The following ARHGAP31 variants were observed in gnomAD, a reference collection of about 807,000 sequenced individuals.
ARHGAP31 encodes the protein rho GTPase-activating protein 31.
ARHGAP31 carries 34 observed loss-of-function variants against 113.9 expected under a neutral mutation model. That is an observed-to-expected ratio of 0.30 (90% CI 0.23 to 0.40). ARHGAP31 has a LOEUF of 0.40. Ranked by LOEUF, ARHGAP31 falls within the 10% of genes least tolerant of loss-of-function variation. The pLI, the probability that ARHGAP31 is intolerant of heterozygous loss-of-function variation, is 1.00. For missense variants in ARHGAP31, 1,548 were observed against 1,767.1 expected (o/e 0.88, Z 2.22); for synonymous variants, 650 against 684.8 (o/e 0.95, Z 0.79).
chr3:119,383,024 C>T, intron 5 of ARHGAP31, 60 bp from the exon 6 acceptor site: 1 of 1,604,178 alleles, frequency 6.2e-7, no homozygotes, highest in South Asian at 1.1e-5. Context: ...ACTGGCTCCT[C>T]TTGCTGCTTC....
rs1340321946 is a variant in ARHGAP31 at position 119,401,855 on chromosome 3, TTAC to T, written c.1104_1106del (p.Thr370del). On this transcript the variant is annotated inframe_deletion, in exon 10 of 12. Coordinates refer to ENST00000264245, the MANE Select transcript of ARHGAP31 (RefSeq NM_020754.4). ...ACCAAGGGAAATTTCAATCGAACAG[TTAC>T]CACCGGTGGATTTTTCATTCCAGCA... The T allele has an allele frequency of 6.2e-7, 1 of 1,614,046 alleles. No individual in the cohort carries two copies.
chr3:119,329,563 C>T (rs2079872954), intron 1 of ARHGAP31, among the ~76,000 whole-genome samples: 1 of 152,214 alleles, frequency 6.6e-6, no homozygotes, highest in African/African-American at 2.4e-5. Flanking sequence ...TTCTAGTTTT[C>T]TCCCCTCCTC....
chr3:119,364,987 G>A (rs958796580), intron 1 of ARHGAP31, among the ~76,000 whole-genome samples: 1 of 152,074 alleles, frequency 6.6e-6, no homozygotes, highest in East Asian at 1.9e-4. Context: ...CCAGCTACTC[G>A]GGAGTCTGAG....
At chr3:119,303,907 G>A (rs1461038897) in intron 1 of ARHGAP31, among the ~76,000 whole-genome samples, 1 of 151,864 alleles carries the variant, frequency 6.6e-6, no homozygotes, top group African/African-American at 2.4e-5. Flanking sequence ...CGATTCTCCT[G>A]CCTTAGTCTC....
chr3:119,415,594 G>T lies in ARHGAP31; in HGVS notation c.3665G>T (p.Gly1222Val), dbSNP rs1286689893. The change falls in exon 12 of 12, where the codon GGG becomes GTG. Residue 1222 changes from glycine to valine, a missense_variant. Coordinates refer to ENST00000264245, the MANE Select transcript of ARHGAP31 (RefSeq NM_020754.4). ...IPQPLPSQSS[G>V]ENGVQPLERS... Reference sequence around the variant, plus strand: ...CAGCCCCTGCCCTCTCAGAGCTCAGGGGAGAATGGGGTTCAGCCTCTGGAG... The same window carrying T: ...CAGCCCCTGCCCTCTCAGAGCTCAGTGGAGAATGGGGTTCAGCCTCTGGAG... The T allele has an allele frequency of 1.2e-6, 2 of 1,614,122 alleles. No individual in the cohort carries two copies. The highest frequency in any genetic ancestry group is 8.5e-7 in the Non-Finnish European group (1 of 1,180,038).
intron 3 of ARHGAP31, among the ~76,000 whole-genome samples, chr3:119,371,502 G>A (rs1208404534): frequency 6.6e-6 from 1 of 152,176 alleles, no homozygotes; most frequent in Admixed American, 6.6e-5. Context: ...AGTTAACTAT[G>A]TTGGAGAATG....
Position 119,319,759 on chromosome 3 carries a change from T to C in ARHGAP31, c.100+24755T>C, listed in dbSNP as rs372432965. Among the ~76,000 whole-genome samples, 4 of 152,164 alleles carry C rather than the reference T, an allele frequency of 2.6e-5. No homozygotes were observed. In the East Asian group the frequency reaches 5.8e-4, roughly 22 times the overall value. On this transcript the variant is annotated intron_variant, in intron 1 of 11. Transcript: ENST00000264245. The stretch of plus-strand genomic sequence containing the variant: ...GTGATTGGAAAACAGGGTGGTGAGG[T>C]TGGTGAGATGGTCAAGTTGTTAGAG...
intron 10 of ARHGAP31, among the ~76,000 whole-genome samples, chr3:119,404,980 A>G (rs1224388941): frequency 6.6e-6 from 1 of 152,236 alleles, no homozygotes; most frequent in Non-Finnish European, 1.5e-5. Context: ...CACTCTCTGC[A>G]TCCCCTTCTA....
At chr3:119,394,524 A>C (rs1460776432) in intron 8 of ARHGAP31, among the ~76,000 whole-genome samples, 1 of 152,238 alleles carries the variant, frequency 6.6e-6, no homozygotes, top group African/African-American at 2.4e-5. Context: ...GAAATTTTTC[A>C]TAATGATCTT....
rs1483053797 is a variant in ARHGAP31 at position 119,365,348 on chromosome 3, A to G, written c.133A>G (p.Ile45Val). The change falls in exon 2 of 12, where the codon ATA becomes GTA. Residue 45 changes from isoleucine to valine, a missense_variant. Transcript: ENST00000264245. ...PYVLKSCAEF[I>V]ETHGIVDGIY... ...CGTTTTGAAGAGCTGTGCAGAATTTATAGAGACTCACGGCATCGTGGATGG... is the reference window on the plus strand; with the variant it reads ...CGTTTTGAAGAGCTGTGCAGAATTTGTAGAGACTCACGGCATCGTGGATGG... 1.2e-6 allele frequency: 2 copies of G among 1,614,158 alleles called. No individual in the cohort carries two copies. The highest frequency in any genetic ancestry group is 1.7e-5 in the Admixed American group (1 of 60,028).
chr3:119,383,258 G>T, intron 6 of ARHGAP31, 32 bp downstream of exon 6: 1 of 1,613,344 alleles, frequency 6.2e-7, no homozygotes. Context: ...CACTCCACCA[G>T]CTTATCCTTC....
At chr3:119,394,449 A>G (rs1300211015) in intron 8 of ARHGAP31, among the ~76,000 whole-genome samples, 1 of 152,186 alleles carries the variant, frequency 6.6e-6, no homozygotes. Flanking sequence ...GAACTGAGGG[A>G]ACCATATATA....
chr3:119,297,288 A>G (rs1193280975), intron 1 of ARHGAP31, among the ~76,000 whole-genome samples: 1 of 152,210 alleles, frequency 6.6e-6, no homozygotes, highest in African/African-American at 2.4e-5. Context: ...GGACTCTCCC[A>G]AACATGTATT....
intron 1 of ARHGAP31, among the ~76,000 whole-genome samples, chr3:119,302,881 C>T (rs1018457999): frequency 1.9e-4 from 29 of 152,178 alleles, no homozygotes; most frequent in African/African-American, 6.5e-4. Context: ...GTCATAATAA[C>T]GATGGACATT....
chr3:119,381,553 C>T (rs2080397136), intron 4 of ARHGAP31, among the ~76,000 whole-genome samples: 1 of 152,156 alleles, frequency 6.6e-6, no homozygotes, highest in Admixed American at 6.5e-5. Context: ...TGTTGTTTAT[C>T]CATGAAATTA....
In ARHGAP31 at chr3:119,300,849, AG is replaced by A. The variant is rs1559959467; in HGVS notation, c.100+5846del. ...CCATCTCAAAAAAAAAAAAAAAGAAAGAAAGAAAGAAAGAAAGAAAGAAAGA... is the reference window on the plus strand; with the variant it reads ...CCATCTCAAAAAAAAAAAAAAAGAAAAAAGAAAGAAAGAAAGAAAGAAAGA... On this transcript the variant is annotated intron_variant, in intron 1 of 11. Transcript: ENST00000264245. 1.6e-3 allele frequency among the ~76,000 whole-genome samples: 170 copies of A among 109,072 alleles called. 2 individuals are homozygous for A. Among genetic ancestry groups the A allele is most frequent in the African/African-American group, 6.3e-3 (167 of 26,480 alleles). 71.6% of individuals were successfully genotyped at this position (109,072 alleles called of 152,430 possible).
chr3:119,326,684 GT>G (rs1262630614), intron 1 of ARHGAP31, among the ~76,000 whole-genome samples: 1 of 152,158 alleles, frequency 6.6e-6, no homozygotes, highest in Admixed American at 6.5e-5. Flanking sequence ...CAAGACCTTG[GT>G]GTTCAGAAAC....
At chr3:119,336,336 A>T (rs1195237179) in intron 1 of ARHGAP31, among the ~76,000 whole-genome samples, 1 of 152,178 alleles carries the variant, frequency 6.6e-6, no homozygotes, top group African/African-American at 2.4e-5. Flanking sequence ...CCCAAATTAG[A>T]CTTTTCTCTA....
intron 1 of ARHGAP31, among the ~76,000 whole-genome samples, chr3:119,300,044 G>A (rs2079567192): frequency 6.6e-6 from 1 of 152,178 alleles, no homozygotes; most frequent in Non-Finnish European, 1.5e-5. Context: ...CCTGAGGCAG[G>A]TGCCCCTGCT....
Sources: gnomAD v4.1 joint callset for allele counts (sites outside exome capture counted in the v4.1 genomes callset) on GRCh38, gnomAD v4.1.1 for gene constraint, MANE v1.5 for transcripts, NCBI Gene and HGNC (gene_info 2026-07-23, HGNC 2026-07-21) for gene names.